The following CDH13 variants were observed in gnomAD, a reference collection of about 807,000 sequenced individuals.
The protein encoded by CDH13 is cadherin-13.
Under a neutral mutation model 63.8 loss-of-function variants are expected in CDH13, and 24 were observed. That is an observed-to-expected ratio of 0.38 (90% CI 0.27 to 0.53). CDH13 has a LOEUF of 0.53. Among genes scored for constraint, CDH13 ranks in the 20% least tolerant of loss-of-function variants. The probability of loss-of-function intolerance (pLI) is 0.85; values close to 1 mark genes in which losing one functional copy is unlikely to be tolerated. For synonymous variants in CDH13, 503 were observed against 355.3 expected (o/e 1.42, Z -4.67); for missense variants, 1,049 against 903.1 (o/e 1.16, Z -2.07).
chr16:83,387,756 A>G (rs1353738084), intron 6 of CDH13, among the ~76,000 whole-genome samples: 3 of 152,164 alleles, frequency 2.0e-5, no homozygotes, highest in Non-Finnish European at 4.4e-5. Flanking sequence ...GAGGCTCTTA[A>G]TATGTGACCA....
At chr16:83,605,982 G>T (rs1183912056) in intron 8 of CDH13, among the ~76,000 whole-genome samples, 2 of 152,210 alleles carry the variant, frequency 1.3e-5, no homozygotes, top group Non-Finnish European at 2.9e-5. Context: ...GAAACCTGCT[G>T]GGGAGAGGAG....
At chr16:83,303,434 A>C (rs1460500842) in intron 5 of CDH13, among the ~76,000 whole-genome samples, 1 of 152,190 alleles carries the variant, frequency 6.6e-6, no homozygotes, top group African/African-American at 2.4e-5. Flanking sequence ...GGAATGAATA[A>C]GCCCAGTGCT....
At chr16:83,518,707 G>A (rs1156596498) in intron 7 of CDH13, among the ~76,000 whole-genome samples, 2 of 151,672 alleles carry the variant, frequency 1.3e-5, no homozygotes, top group African/African-American at 2.4e-5. Flanking sequence ...TCCTGACCTC[G>A]TGATCTGCCC....
intron 2 of CDH13, among the ~76,000 whole-genome samples, chr16:82,928,164 ATG>A (rs5818417): frequency 1.9e-4 from 29 of 151,026 alleles, no homozygotes; most frequent in East Asian, 6.0e-4. Flanking sequence ...GCAGTCGTGT[ATG>A]TGTGTGTGTG....
At chr16:83,022,909 C>T (rs551366700) in intron 2 of CDH13, 9 of 152,192 alleles carry the variant, frequency 5.9e-5, no homozygotes, top group African/African-American at 2.2e-4. Flanking sequence ...CCTAGCTCTG[C>T]AAGCAGGACT....
At chr16:83,143,810 C>T (rs555403687) in intron 4 of CDH13, among the ~76,000 whole-genome samples, 1 of 152,166 alleles carries the variant, frequency 6.6e-6, no homozygotes, top group East Asian at 1.9e-4. Context: ...CCCACTACTC[C>T]TCTTTGCCGT....
intron 8 of CDH13, among the ~76,000 whole-genome samples, chr16:83,662,993 A>T (rs921366421): frequency 1.3e-5 from 2 of 152,166 alleles, no homozygotes; most frequent in East Asian, 1.9e-4. Context: ...TTTTCTCTCA[A>T]TTTCTCCATT....
rs536702267 is a variant in CDH13 at position 83,655,087 on chromosome 16, T to C, written c.1102-15703T>C. 1.1e-4 allele frequency: 16 copies of C among 152,292 alleles called. 2 individuals are homozygous for C. The South Asian group carries it at 3.3e-3, about 32-fold the overall frequency. 9.4% of individuals were successfully genotyped at this position (152,292 alleles called of 1,614,324 possible). A position where few individuals can be genotyped will look rare whatever the true frequency, so the allele number is the denominator to read the frequency against. On this transcript the variant is annotated intron_variant, in intron 8 of 13. Transcript: ENST00000567109. ...AGGCACTACTTGAGATCCTGTCTGA[T>C]TTAGAATTTTGTAGGACGGATTCCT...
At chr16:83,521,330 C>G (rs1220728792) in intron 7 of CDH13, among the ~76,000 whole-genome samples, 1 of 151,254 alleles carries the variant, frequency 6.6e-6, no homozygotes, top group Admixed American at 6.6e-5. Flanking sequence ...GTACTCTTTG[C>G]TCTTTGAAAT....
chr16:83,072,094 C>T (rs2032480091), intron 3 of CDH13, among the ~76,000 whole-genome samples: 2 of 152,130 alleles, frequency 1.3e-5, no homozygotes, highest in Non-Finnish European at 2.9e-5. Flanking sequence ...ATTATTTCAA[C>T]ATTTAGTCAA....
chr16:82,976,017 A>G (rs1173203384), intron 2 of CDH13, among the ~76,000 whole-genome samples: 1 of 152,236 alleles, frequency 6.6e-6, no homozygotes, highest in Non-Finnish European at 1.5e-5. Context: ...CACGGTAAGG[A>G]TTCTGTGTTG....
chr16:82,878,805 T>A (rs2040594489), intron 2 of CDH13, among the ~76,000 whole-genome samples: 1 of 152,010 alleles, frequency 6.6e-6, no homozygotes, highest in Non-Finnish European at 1.5e-5. Flanking sequence ...CATCAGCAAT[T>A]GTGCCTTTCT....
intron 6 of CDH13, among the ~76,000 whole-genome samples, chr16:83,460,544 G>A (rs1401878826): frequency 2.0e-5 from 3 of 152,112 alleles, no homozygotes; most frequent in Non-Finnish European, 4.4e-5. Context: ...AAGGATGGTG[G>A]ATCTCCAGGA....
chr16:83,139,101 C>T (rs781069011), intron 4 of CDH13, among the ~76,000 whole-genome samples: 1 of 152,100 alleles, frequency 6.6e-6, no homozygotes, highest in Non-Finnish European at 1.5e-5. Context: ...TGTACTGCTC[C>T]TCTTTGAAAT....
intron 6 of CDH13, among the ~76,000 whole-genome samples, chr16:83,420,348 A>T (rs978454035): frequency 1.3e-5 from 2 of 152,174 alleles, no homozygotes; most frequent in Non-Finnish European, 2.9e-5. Context: ...AAGCAGTTGA[A>T]TTCTCAAGCA....
intron 2 of CDH13, among the ~76,000 whole-genome samples, chr16:82,924,005 C>T (rs1357155114): frequency 1.3e-5 from 2 of 152,192 alleles, no homozygotes; most frequent in African/African-American, 4.8e-5. Flanking sequence ...CAATTGGCTT[C>T]TCAAAACTTG....
At chr16:83,020,637 C>T (rs536295734) in intron 2 of CDH13, among the ~76,000 whole-genome samples, 1 of 152,196 alleles carries the variant, frequency 6.6e-6, no homozygotes, top group Admixed American at 6.5e-5. Context: ...ATGTAGCTTT[C>T]TTTTCTCTGA....
At chr16:82,986,437 G>A (rs1402335536) in intron 2 of CDH13, among the ~76,000 whole-genome samples, 1 of 152,178 alleles carries the variant, frequency 6.6e-6, no homozygotes, top group Non-Finnish European at 1.5e-5. Context: ...TCTCTAGCTT[G>A]CCATTTCTCT....
intron 11 of CDH13, among the ~76,000 whole-genome samples, chr16:83,770,729 G>T (rs1914703391): frequency 6.6e-6 from 1 of 152,120 alleles, no homozygotes; most frequent in South Asian, 2.1e-4. Context: ...AACTGTCATG[G>T]TGCTGGTGGG....
Sources: gnomAD v4.1 joint callset for allele counts (sites outside exome capture counted in the v4.1 genomes callset) on GRCh38, gnomAD v4.1.1 for gene constraint, MANE v1.5 for transcripts, NCBI Gene and HGNC (gene_info 2026-07-23, HGNC 2026-07-21) for gene names.